The following TTC7B variants were observed in gnomAD, a reference collection of about 807,000 sequenced individuals.
TTC7B encodes the protein tetratricopeptide repeat protein 7B.
In TTC7B, 28 loss-of-function variants were observed where a neutral mutation model predicts 106.8. The ratio of observed to expected loss-of-function variants is 0.26; its 90% CI spans 0.19 to 0.36. TTC7B has a LOEUF of 0.36. TTC7B is among the 10% of genes least tolerant of loss of function. The probability of loss-of-function intolerance (pLI) is 1.00; values close to 1 mark genes in which losing one functional copy is unlikely to be tolerated. For missense variants in TTC7B, 862 were observed against 1,076.4 expected (o/e 0.80, Z 2.79); for synonymous variants, 405 against 430.6 (o/e 0.94, Z 0.74).
intron 11 of TTC7B, among the ~76,000 whole-genome samples, chr14:90,655,976 C>T (rs766569467): frequency 1.2e-4 from 19 of 152,088 alleles, no homozygotes; most frequent in Non-Finnish European, 2.6e-4. Flanking sequence ...CTGGCACGTT[C>T]CAAATGCAAA....
chr14:90,605,728 AGAG>A (rs1304452772), intron 17 of TTC7B: 1 of 1,284,920 alleles, frequency 7.8e-7, no homozygotes, highest in African/African-American at 1.5e-5. Flanking sequence ...GGTTCTTGAA[AGAG>A]GAGAGGAGGA....
At chr14:90,791,346 A>ATG (rs1891579414) in intron 1 of TTC7B, among the ~76,000 whole-genome samples, 1 of 152,118 alleles carries the variant, frequency 6.6e-6, no homozygotes, top group Admixed American at 6.6e-5. Context: ...TGTTGTGCAC[A>ATG]ATATCTGGCA....
rs532274573 is a variant in TTC7B, at chr14:90,586,312, T to C, written c.2107+7174A>G. On this transcript the variant is annotated intron_variant, in intron 18 of 19. Coordinates refer to ENST00000328459, the MANE Select transcript of TTC7B (RefSeq NM_001010854.2). Reference sequence around the variant, plus strand: ...CAAGGTGGAGTTTCGCTCTTGTTGCTCAGGCTGGAGTGCAGTGGTGCGATC... The same window carrying C: ...CAAGGTGGAGTTTCGCTCTTGTTGCCCAGGCTGGAGTGCAGTGGTGCGATC... Among the ~76,000 whole-genome samples, 6 of 152,324 alleles carry C rather than the reference T, an allele frequency of 3.9e-5. No homozygotes were observed. In the South Asian group the frequency reaches 1.2e-3, roughly 32 times the overall value.
chr14:90,587,452 G>A (rs1891762956), intron 18 of TTC7B, among the ~76,000 whole-genome samples: 1 of 152,162 alleles, frequency 6.6e-6, no homozygotes, highest in Admixed American at 6.5e-5. Context: ...AACACTCAGA[G>A]CTCAGGCTGC....
At position 90,757,652 on chromosome 14, in the gene TTC7B, T is replaced by C. The variant is rs994670959; in HGVS notation, c.446-12730A>G. On this transcript the variant is annotated intron_variant, in intron 3 of 19. Coordinates refer to ENST00000328459, the MANE Select transcript of TTC7B (RefSeq NM_001010854.2). This position sits in a 1 kb window ranked among gnomAD's most constrained non-coding sequence, Gnocchi z 4.1. Reference sequence around the variant, plus strand: ...ACAGCTCCCAACAGACTGGAGACTTTTTCTGCCGGGGAAAAGGCAATGTCA... The same window carrying C: ...ACAGCTCCCAACAGACTGGAGACTTCTTCTGCCGGGGAAAAGGCAATGTCA... 1.3e-5 allele frequency among the ~76,000 whole-genome samples: 2 copies of C among 152,140 alleles called. No individual in the cohort carries two copies. The highest frequency in any genetic ancestry group is 2.9e-5 in the Non-Finnish European group (2 of 68,006).
chr14:90,610,889 A>T (rs1490550969), intron 16 of TTC7B, 50 bp from the exon 17 acceptor site: 6 of 1,371,578 alleles, frequency 4.4e-6, no homozygotes, highest in Non-Finnish European at 6.3e-6. Flanking sequence ...GGGAGGAGGG[A>T]AGGAAAGAGA....
At chr14:90,754,927 A>G (rs1185628143) in intron 3 of TTC7B, among the ~76,000 whole-genome samples, 1 of 152,108 alleles carries the variant, frequency 6.6e-6, no homozygotes, top group Non-Finnish European at 1.5e-5. Context: ...TTTTTTTTCA[A>G]TTGAGGTGAA....
chr14:90,733,454 GA>G (rs1431610980), intron 4 of TTC7B, among the ~76,000 whole-genome samples: 1 of 152,196 alleles, frequency 6.6e-6, no homozygotes, highest in East Asian at 1.9e-4. Flanking sequence ...GGGAGAATGG[GA>G]AAGACGCAAG....
chr14:90,614,253 G>A (rs923537172), intron 16 of TTC7B, among the ~76,000 whole-genome samples: 5 of 152,200 alleles, frequency 3.3e-5, no homozygotes, highest in African/African-American at 9.7e-5. Flanking sequence ...GAGATCACAC[G>A]ACCTTGGCCC....
At chr14:90,621,970 A>C (rs2139853867) in intron 15 of TTC7B, among the ~76,000 whole-genome samples, 1 of 152,270 alleles carries the variant, frequency 6.6e-6, no homozygotes, top group Middle Eastern at 3.4e-3. Flanking sequence ...TGCTGAGGAA[A>C]CCCTGAGGCA....
rs912652350 is a variant in TTC7B, at chr14:90,537,340, C to G, written c.*4028G>C. 1 of 147,588 alleles carries G rather than the reference C, an allele frequency of 6.8e-6. No individual in the cohort carries two copies. Among genetic ancestry groups the G allele is most frequent in the African/African-American group, 2.6e-5 (1 of 39,182 alleles). The allele number at this position is 147,588 out of a possible 1,614,324, so 9.1% of individuals were successfully genotyped here. On this transcript the variant is annotated 3_prime_UTR_variant, in exon 20 of 20. Transcript: ENST00000328459. ...CAGCTGGGACTACAGGTGCACGCCA[C>G]CAAACCTGGCTATTTTTTTTTTTTT...
chr14:90,654,367 A>G (rs1380899681), intron 12 of TTC7B, among the ~76,000 whole-genome samples: 4 of 152,208 alleles, frequency 2.6e-5, no homozygotes, highest in Non-Finnish European at 5.9e-5. Context: ...GTAACAGTTC[A>G]GGAAAAGTTT....
chr14:90,681,510 C>T (rs1380983027), intron 7 of TTC7B, among the ~76,000 whole-genome samples: 2 of 151,538 alleles, frequency 1.3e-5, no homozygotes, highest in Middle Eastern at 3.2e-3. Flanking sequence ...AGGATTTCCA[C>T]ATAATTACAA....
At chr14:90,598,219 T>C (rs964540280) in intron 17 of TTC7B, among the ~76,000 whole-genome samples, 5 of 152,298 alleles carry the variant, frequency 3.3e-5, no homozygotes, top group African/African-American at 1.2e-4. Flanking sequence ...CGTAGGCAGG[T>C]GAGAGCTCGC....
intron 19 of TTC7B, among the ~76,000 whole-genome samples, 161 bp from the exon 20 acceptor site, chr14:90,541,750 G>T (rs1470694761): frequency 1.3e-5 from 2 of 152,188 alleles, no homozygotes; most frequent in African/African-American, 4.8e-5. Flanking sequence ...GTGTTCAGGG[G>T]CAACAGTCAA....
At chr14:90,592,166 C>T (rs907895481) in intron 18 of TTC7B, among the ~76,000 whole-genome samples, 1 of 152,078 alleles carries the variant, frequency 6.6e-6, no homozygotes, top group Admixed American at 6.5e-5. Context: ...GAATATCATA[C>T]GATTAGCCTT....
intron 19 of TTC7B, among the ~76,000 whole-genome samples, chr14:90,549,580 T>G (rs1889987459): frequency 6.6e-6 from 1 of 152,170 alleles, no homozygotes; most frequent in Non-Finnish European, 1.5e-5. Flanking sequence ...CCCTGGCTGC[T>G]GCTGGTGGCT....
At chr14:90,566,237 G>T (rs1443632477) in intron 19 of TTC7B, among the ~76,000 whole-genome samples, 1 of 151,984 alleles carries the variant, frequency 6.6e-6, no homozygotes, top group Admixed American at 6.6e-5. Context: ...CCAGCTACTT[G>T]GGAGGCTGAG....
chr14:90,631,408 A>ATTT (rs752394881), intron 15 of TTC7B, among the ~76,000 whole-genome samples: 24 of 133,634 alleles, frequency 1.8e-4, no homozygotes, highest in African/African-American at 4.4e-4. Flanking sequence ...GTCTGCACCA[A>ATTT]TTTTTTTTTT....
Sources: allele counts gnomAD v4.1 joint callset (sites outside exome capture counted in the v4.1 genomes callset), GRCh38; gene constraint gnomAD v4.1.1; non-coding constraint Gnocchi (gnomAD v3.1); transcripts MANE v1.5; gene names NCBI Gene and HGNC (gene_info 2026-07-23, HGNC 2026-07-21).